Variants in CACNB2 observed in about 807,000 individuals in gnomAD.
CACNB2 encodes calcium voltage-gated channel auxiliary subunit beta 2.
In CACNB2, 42 loss-of-function variants were observed where a neutral mutation model predicts 73.3. The ratio of observed to expected loss-of-function variants is 0.57; its 90% CI spans 0.45 to 0.74. CACNB2 has a LOEUF of 0.74. Among genes scored for constraint, CACNB2 ranks in the 30% least tolerant of loss-of-function variants. The probability of loss-of-function intolerance (pLI) is 0.00; values close to 1 mark genes in which losing one functional copy is unlikely to be tolerated. For synonymous variants in CACNB2, 348 were observed against 310.3 expected, an observed-to-expected ratio of 1.12 and a Z score of -1.28; for missense variants, 940 against 853.0, an observed-to-expected ratio of 1.10 and a Z score of -1.27.
At chr10:18,268,095 T>G (rs1207646359) in intron 2 of CACNB2, among the ~76,000 whole-genome samples, 2 of 152,216 alleles carry the variant, frequency 1.3e-5, no homozygotes, top group Admixed American at 1.3e-4. Flanking sequence ...GAGTACAACT[T>G]CTCCAGTGCT....
rs148734328 is a variant in CACNB2 at position 18,182,651 on chromosome 10, G to A, written c.213+31676G>A. ...AGCCTGGGCAACGTGGTAAAACCCC[G>A]TCTCTACTAAAATACAAAAGATTAG... On this transcript the variant is annotated intron_variant, in intron 2 of 13. Transcript: ENST00000324631. 7.3e-3 allele frequency among the ~76,000 whole-genome samples: 1,109 copies of A among 151,672 alleles called. 7 individuals carry two copies. Among genetic ancestry groups the A allele is most frequent in the African/African-American group, 0.025 (1,046 of 41,382 alleles).
intron 7 of CACNB2, chr10:18,514,934 T>G: frequency 7.4e-7 from 1 of 1,344,568 alleles, no homozygotes; most frequent in Non-Finnish European, 1.1e-6. Context: ...AAAAAAAAAG[T>G]ATTCAAGTTT....
At chr10:18,429,790 C>A (rs1397547388) in intron 3 of CACNB2, among the ~76,000 whole-genome samples, 1 of 113,560 alleles carries the variant, frequency 8.8e-6, no homozygotes, top group African/African-American at 3.7e-5. Context: ...GGCAACATAG[C>A]AAGACTCCGT....
intron 2 of CACNB2, among the ~76,000 whole-genome samples, chr10:18,248,746 C>T (rs1381406882): frequency 6.6e-6 from 1 of 152,196 alleles, no homozygotes; most frequent in African/African-American, 2.4e-5. Context: ...GATAGCCCAT[C>T]ACCTCCTCTC....
intron 3 of CACNB2, among the ~76,000 whole-genome samples, chr10:18,423,492 G>A (rs1011593278): frequency 2.0e-5 from 3 of 152,076 alleles, no homozygotes; most frequent in African/African-American, 4.8e-5. Context: ...CATAAGCAAC[G>A]GTCCCTTCAA....
chr10:18,474,610 C>A (rs1250425670), intron 3 of CACNB2, among the ~76,000 whole-genome samples: 19 of 152,052 alleles, frequency 1.2e-4, no homozygotes, highest in Admixed American at 1.2e-3. Context: ...GGATGGGTGG[C>A]CTTAGATCTG....
At chr10:18,420,229 A>G (rs1564528485) in intron 3 of CACNB2, among the ~76,000 whole-genome samples, 1 of 152,282 alleles carries the variant, frequency 6.6e-6, no homozygotes, top group East Asian at 1.9e-4. Context: ...TTTTGTTATG[A>G]AACCAAGATC....
intron 2 of CACNB2, among the ~76,000 whole-genome samples, chr10:18,160,773 T>C (rs934699736): frequency 3.3e-5 from 5 of 152,178 alleles, no homozygotes; most frequent in African/African-American, 9.6e-5. Context: ...CTGTCACTTA[T>C]AGATGTAAAT....
At chr10:18,416,856 G>C (rs908528165) in intron 3 of CACNB2, among the ~76,000 whole-genome samples, 1 of 152,034 alleles carries the variant, frequency 6.6e-6, no homozygotes, top group Non-Finnish European at 1.5e-5. Flanking sequence ...CCATTTTATG[G>C]ATGAGCAAAC....
rs143400442 is a variant in CACNB2, at chr10:18,427,918, C to A, written c.333+25875C>A. The stretch of plus-strand genomic sequence containing the variant: ...TTCTTTTTAAATTTGGTTCTAATTT[C>A]TTTTTCATTTAAGTCAGTTACTTAG... On this transcript the variant is annotated intron_variant, in intron 3 of 13. Transcript: ENST00000324631. Among the ~76,000 whole-genome samples the A allele has an allele frequency of 1.1e-4, 17 of 151,898 alleles. No homozygotes were observed. The East Asian group carries it at 3.1e-3, about 28-fold the overall frequency.
intron 2 of CACNB2, among the ~76,000 whole-genome samples, chr10:18,187,283 G>C (rs1000891996): frequency 2.0e-5 from 3 of 152,100 alleles, no homozygotes; most frequent in African/African-American, 7.2e-5. Context: ...GGCACATTCT[G>C]TTATTGGAAT....
At chr10:18,469,230 AC>A (rs2048055004) in intron 3 of CACNB2, among the ~76,000 whole-genome samples, 1 of 152,010 alleles carries the variant, frequency 6.6e-6, no homozygotes, top group African/African-American at 2.4e-5. Context: ...ACAGAGGGAG[AC>A]CCTGTCTCAG....
rs558264472 is a variant in CACNB2 at position 18,140,698 on chromosome 10, C to A, written c.-39C>A. 16 of 1,565,782 alleles carry A rather than the reference C, an allele frequency of 1.0e-5. No homozygotes were observed. Among genetic ancestry groups the A allele is most frequent in the Non-Finnish European group, 1.3e-5 (15 of 1,152,264 alleles). ...GGGCGAGGAGGAGGGGACCCGCCGC[C>A]GGGGGCTGGCTGCTTCGCTCCGAGC... On this transcript the variant is annotated 5_prime_UTR_variant, in exon 1 of 14. Transcript: ENST00000324631.
intron 2 of CACNB2, among the ~76,000 whole-genome samples, chr10:18,375,369 A>T (rs1564481863): frequency 6.6e-6 from 1 of 152,170 alleles, no homozygotes. Flanking sequence ...GCTAATGGGG[A>T]TGAAGTCTGT....
At chr10:18,528,932 T>C (rs1279569821) in intron 10 of CACNB2, among the ~76,000 whole-genome samples, 1 of 151,922 alleles carries the variant, frequency 6.6e-6, no homozygotes, top group Non-Finnish European at 1.5e-5. Flanking sequence ...CTTGACCTCA[T>C]GGGCTCAATC....
chr10:18,406,623 A>G (rs540244367), intron 3 of CACNB2, among the ~76,000 whole-genome samples: 2 of 152,352 alleles, frequency 1.3e-5, no homozygotes, highest in South Asian at 4.1e-4. Flanking sequence ...AGTTGTAGGA[A>G]AACAAGCTCA....
chr10:18,522,137 A>G (rs936853610), intron 9 of CACNB2, among the ~76,000 whole-genome samples: 23 of 152,146 alleles, frequency 1.5e-4, no homozygotes, highest in South Asian at 6.2e-4. Context: ...TCCTTAGGAC[A>G]GTCTAATGCC....
At chr10:18,400,932 G>A (rs2043962242) in intron 2 of CACNB2, 5 of 1,589,568 alleles carry the variant, frequency 3.1e-6, no homozygotes, top group African/African-American at 1.3e-5. Flanking sequence ...CTTGCCCAGA[G>A]CATGGATAGG....
Position 18,337,382 on chromosome 10 carries a change from G to A in CACNB2, c.214-64542G>A, listed in dbSNP as rs148356279. On this transcript the variant is annotated intron_variant, in intron 2 of 13. Transcript: ENST00000324631. The stretch of plus-strand genomic sequence containing the variant: ...CTCCCAAAGTGCTGGCATTACAGGC[G>A]TGAGCCACCATGCCCGGCCTACTTT... 3.4e-3 allele frequency among the ~76,000 whole-genome samples: 519 copies of A among 152,266 alleles called. 4 individuals are homozygous for A. Among genetic ancestry groups the A allele is most frequent in the African/African-American group, 9.9e-3 (412 of 41,572 alleles).
Sources: gnomAD v4.1 joint callset for allele counts (sites outside exome capture counted in the v4.1 genomes callset) on GRCh38, gnomAD v4.1.1 for gene constraint, MANE v1.5 for transcripts, NCBI Gene and HGNC (gene_info 2026-07-23, HGNC 2026-07-21) for gene names.